FMN2: variants seen among roughly 807,000 people sequenced by gnomAD.
FMN2 encodes the protein formin 2.
In FMN2, 51 loss-of-function variants were observed where a neutral mutation model predicts 142.3. The observed-to-expected ratio is 0.36, with a 90% CI of 0.29 to 0.45. The LOEUF is 0.45. Among genes scored for constraint, FMN2 ranks in the 20% least tolerant of loss-of-function variants. The pLI is 1.00. For missense variants in FMN2, 1,936 were observed against 2,122.8 expected (o/e 0.91, Z 1.73); for synonymous variants, 882 against 869.8 (o/e 1.01, Z -0.25).
chr1:240,291,260 C>A (rs921910924), intron 7 of FMN2, among the ~76,000 whole-genome samples: 2 of 152,088 alleles, frequency 1.3e-5, no homozygotes, highest in African/African-American at 4.8e-5. Flanking sequence ...TTCCTCTCAA[C>A]ACCTTTCTCC....
intron 16 of FMN2, among the ~76,000 whole-genome samples, chr1:240,459,907 G>A (rs372409214): frequency 5.9e-5 from 9 of 152,070 alleles, no homozygotes; most frequent in African/African-American, 1.4e-4. Flanking sequence ...TTAAAGTTTC[G>A]TCTCAGTTTT....
chr1:240,121,579 C>T (rs960983729), intron 1 of FMN2, among the ~76,000 whole-genome samples: 15 of 150,132 alleles, frequency 1.0e-4, no homozygotes, highest in African/African-American at 3.7e-4. Context: ...TTAGTAGAGA[C>T]GGGGTTTCAC....
intron 7 of FMN2, among the ~76,000 whole-genome samples, chr1:240,280,143 A>G (rs1669349085): frequency 6.6e-6 from 1 of 152,060 alleles, no homozygotes; most frequent in African/African-American, 2.4e-5. Flanking sequence ...TTAGTGACCA[A>G]ACTTCTTAGT....
At chr1:240,339,775 C>T (rs191086769) in intron 13 of FMN2, among the ~76,000 whole-genome samples, 58 of 152,074 alleles carry the variant, frequency 3.8e-4, no homozygotes, top group African/African-American at 1.4e-3. Flanking sequence ...TTATGATGCA[C>T]ATAATTTTTG....
At chr1:240,404,884 T>A (rs893679455) in intron 15 of FMN2, among the ~76,000 whole-genome samples, 2 of 152,206 alleles carry the variant, frequency 1.3e-5, no homozygotes, top group African/African-American at 4.8e-5. Flanking sequence ...TTCAGGATTT[T>A]CTGATTATGA....
chr1:240,206,770 T>A (rs1228397685), intron 4 of FMN2, 29 bp from the exon 5 acceptor site: 1 of 1,576,056 alleles, frequency 6.3e-7, no homozygotes, highest in African/African-American at 1.4e-5. Flanking sequence ...ATTTCATAAC[T>A]AACTGTGTCT....
chr1:240,350,258 G>A (rs1672045942), intron 13 of FMN2, among the ~76,000 whole-genome samples: 1 of 152,136 alleles, frequency 6.6e-6, no homozygotes. Flanking sequence ...AGAAATAACT[G>A]TACAGGTTTT....
chr1:240,151,764 TTTTC>T (rs770433223), intron 2 of FMN2, among the ~76,000 whole-genome samples: 314 of 151,424 alleles, frequency 2.1e-3, no homozygotes, highest in African/African-American at 7.4e-3. Context: ...CCAATGGACT[TTTTC>T]TTTATTTTAT....
At chr1:240,133,539 G>T (rs1662823663) in intron 2 of FMN2, among the ~76,000 whole-genome samples, 1 of 152,086 alleles carries the variant, frequency 6.6e-6, no homozygotes, top group African/African-American at 2.4e-5. Flanking sequence ...TCTTCCTTCT[G>T]CCTTTCAATA....
At chr1:240,213,554 G>A (rs1361451702) in intron 6 of FMN2, among the ~76,000 whole-genome samples, 2 of 152,198 alleles carry the variant, frequency 1.3e-5, no homozygotes, top group Admixed American at 6.5e-5. Flanking sequence ...TTTAAGGAAA[G>A]TGTATTTTCA....
chr1:240,398,075 A>T (rs2103105987), intron 15 of FMN2, among the ~76,000 whole-genome samples: 1 of 151,264 alleles, frequency 6.6e-6, no homozygotes, highest in East Asian at 2.0e-4. Flanking sequence ...AGCTCACTGC[A>T]ACCTCCATCT....
At chr1:240,273,294 G>C (rs751149166) in intron 7 of FMN2, among the ~76,000 whole-genome samples, 2 of 152,180 alleles carry the variant, frequency 1.3e-5, no homozygotes, top group Non-Finnish European at 1.5e-5. Flanking sequence ...GCAAAGACTT[G>C]CAACAACTGT....
chr1:240,434,555 G>GT (rs57596533), intron 15 of FMN2, among the ~76,000 whole-genome samples: 9,712 of 148,210 alleles, frequency 0.066, 663 homozygotes, highest in East Asian at 0.35. Context: ...TTTGTTTTTT[G>GT]TTTTTTTTTG....
At chr1:240,325,202 A>C (rs796354751) in intron 8 of FMN2, among the ~76,000 whole-genome samples, 1 of 152,042 alleles carries the variant, frequency 6.6e-6, no homozygotes, top group African/African-American at 2.4e-5. Flanking sequence ...TACAAAAAAA[A>C]CAAAACTTAG....
chr1:240,399,638 G>A (rs1673905398), intron 15 of FMN2, among the ~76,000 whole-genome samples: 1 of 152,256 alleles, frequency 6.6e-6, no homozygotes, highest in Admixed American at 6.5e-5. Context: ...ACCACCTCCA[G>A]CTTATTGCAG....
At chr1:240,401,810 G>A (rs1292193414) in intron 15 of FMN2, among the ~76,000 whole-genome samples, 1 of 152,222 alleles carries the variant, frequency 6.6e-6, no homozygotes, top group Admixed American at 6.5e-5. Flanking sequence ...AGGCAGGGCT[G>A]CGTGGTGGAC....
chr1:240,092,076 C>CCGCGG lies in FMN2; in HGVS notation c.-26_-22dup, dbSNP rs900118946. The CCGCGG allele has an allele frequency of 3.9e-6, 6 of 1,528,028 alleles. No homozygotes were observed. Among genetic ancestry groups the CCGCGG allele is most frequent in the Non-Finnish European group, 5.3e-6 (6 of 1,139,360 alleles). 94.7% of individuals were successfully genotyped at this position (1,528,028 alleles called of 1,614,324 possible). ...AGGAGGGCCGGGATGGCCTGAGTGC[C>CCGCGG]CGCGGCGCGGCGGCGCAGCAGCGGG... On this transcript the variant is annotated 5_prime_UTR_variant, in exon 1 of 18. Transcript: ENST00000319653.
chr1:240,166,732 T>C (rs1664496204), intron 2 of FMN2, among the ~76,000 whole-genome samples: 1 of 152,244 alleles, frequency 6.6e-6, no homozygotes, highest in Admixed American at 6.5e-5. Flanking sequence ...GCAAGTAACA[T>C]TGGAATAAAT....
At chr1:240,254,404 G>T (rs891856751) in intron 6 of FMN2, among the ~76,000 whole-genome samples, 2 of 152,054 alleles carry the variant, frequency 1.3e-5, no homozygotes, top group African/African-American at 4.8e-5. Context: ...GAATGGGGCA[G>T]GGCCATTCCC....
Sources: allele counts gnomAD v4.1 joint callset (sites outside exome capture counted in the v4.1 genomes callset), GRCh38; gene constraint gnomAD v4.1.1; transcripts MANE v1.5; gene names NCBI Gene and HGNC (gene_info 2026-07-23, HGNC 2026-07-21).